GOLGA4: variants seen among roughly 807,000 people sequenced by gnomAD.
The protein encoded by GOLGA4 is golgin A4, also known as golgin subfamily A member 4.
Under a neutral mutation model 265.9 loss-of-function variants are expected in GOLGA4, and 169 were observed. That is an observed-to-expected ratio of 0.64 (90% CI 0.56 to 0.72). The LOEUF (loss-of-function observed/expected upper bound fraction) is 0.72, where lower values mean the gene tolerates loss of function less well. Among genes scored for constraint, GOLGA4 ranks in the 30% least tolerant of loss-of-function variants. GOLGA4 has a pLI of 0.00. For missense variants in GOLGA4, 2,482 were observed against 2,483.4 expected (o/e 1.00, Z 0.01); for synonymous variants, 923 against 855.8 (o/e 1.08, Z -1.37).
At chr3:37,322,948 C>T (rs1169423827) in intron 13 of GOLGA4, among the ~76,000 whole-genome samples, 1 of 151,870 alleles carries the variant, frequency 6.6e-6, no homozygotes, top group African/African-American at 2.4e-5. Context: ...GAAAAAACCC[C>T]AATCTTCCTA....
intron 2 of GOLGA4, among the ~76,000 whole-genome samples, chr3:37,272,794 A>G (rs1469023174): frequency 1.3e-5 from 2 of 152,224 alleles, no homozygotes; most frequent in African/African-American, 4.8e-5. Flanking sequence ...TGTTTAAAAC[A>G]TGGAAGTTAT....
intron 2 of GOLGA4, among the ~76,000 whole-genome samples, chr3:37,259,302 G>T (rs1440865046): frequency 6.6e-6 from 1 of 152,160 alleles, no homozygotes; most frequent in Admixed American, 6.6e-5. Context: ...GAGTCCCTCT[G>T]TAAGGAACTG....
In GOLGA4 at chr3:37,320,164, T is replaced by C. The variant is rs566267076; in HGVS notation, c.1545+970T>C. ...AAAACAACCAGAAAGCAGATTGAGA[T>C]TTTTGTTGAAAGATTTTTTAAAATA... is the stretch of plus-strand genomic sequence containing the variant. On this transcript the variant is annotated intron_variant, in intron 12 of 23. Transcript: ENST00000361924. The C allele has an allele frequency of 1.1e-3, 148 of 140,604 alleles. 1 individual carries two copies. Among genetic ancestry groups the C allele is most frequent in the Middle Eastern group, 3.7e-3 (1 of 268 alleles). The allele number at this position is 140,604 out of a possible 1,614,324, so 8.7% of individuals were successfully genotyped here.
intron 6 of GOLGA4, among the ~76,000 whole-genome samples, 183 bp downstream of exon 6, chr3:37,295,260 C>T (rs1387658041): frequency 6.6e-6 from 1 of 152,098 alleles, no homozygotes; most frequent in Non-Finnish European, 1.5e-5. Context: ...CTCTTTCACC[C>T]TGGCTATAGT....
rs2096962662 is a variant in GOLGA4 at position 37,324,009 on chromosome 3, C to T, written c.2123C>T (p.Ser708Phe). ...CGTCACAAACTAGAAGAGGAACTTT[C>T]TGTTCTGAAAGATCAAACAGATAAA... The part of the protein sequence containing the change: ...KARHKLEEEL[S>F]VLKDQTDKMK... Residue 708 changes from serine (S) to phenylalanine (F), a missense_variant, in exon 14 of 24, where the codon TCT (serine) becomes TTT (phenylalanine). Ser to Phe is a radical substitution (Grantham distance 155, BLOSUM62 -2). This residue lies in a region of GOLGA4 where 1,536 missense variants were observed against 1,483.7 expected (regional missense o/e 1.04). Transcript: ENST00000361924. The T allele has an allele frequency of 3.1e-6, 5 of 1,613,688 alleles. No homozygotes were observed. In the South Asian group the frequency reaches 4.4e-5, roughly 14 times the overall value.
chr3:37,269,832 A>G (rs2096793276), intron 2 of GOLGA4, among the ~76,000 whole-genome samples: 1 of 150,218 alleles, frequency 6.7e-6, no homozygotes, highest in Admixed American at 6.6e-5. Flanking sequence ...AAGTTTTTAA[A>G]TGTTGTTCTC....
In GOLGA4 at chr3:37,326,428, T is replaced by G; in HGVS notation, c.4542T>G (p.Ser1514=). Reference sequence around the variant, plus strand: ...AGAGCAAGATGGAGAAAAAGGAGTCTAATTTAGAAACAGAGTTAAAGTCTC... The same window carrying G: ...AGAGCAAGATGGAGAAAAAGGAGTCGAATTTAGAAACAGAGTTAAAGTCTC... ...DDKSKMEKKE[S]NLETELKSQT... Residue 1514 remains serine, a synonymous_variant, in exon 14 of 24, where the codon TCT becomes TCG. Coordinates refer to ENST00000361924, the MANE Select transcript of GOLGA4 (RefSeq NM_002078.5). 1 of 1,612,432 alleles carries G rather than the reference T, an allele frequency of 6.2e-7. No homozygotes were observed. Among genetic ancestry groups the G allele is most frequent in the Non-Finnish European group, 8.5e-7 (1 of 1,178,846 alleles).
At chr3:37,285,174 A>T (rs13060088) in intron 3 of GOLGA4, among the ~76,000 whole-genome samples, 25,252 of 84,352 alleles carry the variant, frequency 0.3, 2,923 homozygotes, top group Non-Finnish European at 0.4. Context: ...TTTTTTTTTT[A>T]AATTATAATA....
At chr3:37,331,852 A>G (rs1427917392) in intron 16 of GOLGA4, among the ~76,000 whole-genome samples, 1 of 152,024 alleles carries the variant, frequency 6.6e-6, no homozygotes, top group African/African-American at 2.4e-5. Flanking sequence ...TAATGTACCT[A>G]TTTTGTCATT....
Position 37,328,987 on chromosome 3 carries a change from A to G in GOLGA4, c.6086A>G (p.Glu2029Gly). Reference sequence around the variant, plus strand: ...GATAAGGCCCAGGAGGTGGAGGCTGAACTTTTAGAAAGCCATCAAGAAGAG... The same window carrying G: ...GATAAGGCCCAGGAGGTGGAGGCTGGACTTTTAGAAAGCCATCAAGAAGAG... ...TINKAQEVEA[E>G]LLESHQEETN... The change falls in exon 16 of 24, where the codon GAA (glutamate) becomes GGA (glycine). Residue 2029 changes from glutamate (E) to glycine (G), a missense_variant. Glu to Gly is a moderately conservative substitution (Grantham distance 98, BLOSUM62 -2). Around this residue, in one of 3 missense-constraint regions of GOLGA4, gnomAD observed 942 missense variants for 983.1 expected, o/e 0.96. Coordinates refer to ENST00000361924, the MANE Select transcript of GOLGA4 (RefSeq NM_002078.5). The G allele has an allele frequency of 6.2e-7, 1 of 1,607,696 alleles. No individual in the cohort carries two copies. Among genetic ancestry groups the G allele is most frequent in the Non-Finnish European group, 8.5e-7 (1 of 1,177,600 alleles).
intron 2 of GOLGA4, among the ~76,000 whole-genome samples, chr3:37,252,330 T>TC (rs2096736255): frequency 6.6e-6 from 1 of 151,918 alleles, no homozygotes. Flanking sequence ...TTTTTTTTTT[T>TC]TTTTAATAGT....
intron 3 of GOLGA4, among the ~76,000 whole-genome samples, chr3:37,284,874 A>T (rs2096844232): frequency 6.6e-6 from 1 of 152,088 alleles, no homozygotes; most frequent in Non-Finnish European, 1.5e-5. Flanking sequence ...CATTTTGCCC[A>T]GGCTGGTCTC....
In GOLGA4 at chr3:37,340,211, C is replaced by T; in HGVS notation, c.6472+12C>T. ...GACACCTTACAAAGGTAAGGATGAT[C>T]TCGTGTCATGTTATTAACTGTTATC... On this transcript the variant is annotated intron_variant, in intron 20 of 23. Transcript: ENST00000361924. 9.1e-7 allele frequency: 1 copy of T among 1,098,330 alleles called. No individual in the cohort carries two copies. Among genetic ancestry groups the T allele is most frequent in the Non-Finnish European group, 1.3e-6 (1 of 749,792 alleles). The allele number at this position is 1,098,330 out of a possible 1,614,324, so 68.0% of individuals were successfully genotyped here. A position where few individuals can be genotyped will look rare whatever the true frequency, so the allele number is the denominator to read the frequency against.
Position 37,326,684 on chromosome 3 carries a change from G to A in GOLGA4, c.4798G>A (p.Glu1600Lys). 6.2e-7 allele frequency: 1 copy of A among 1,612,100 alleles called. No individual in the cohort carries two copies. ...AAACCAAGTTTATTCCATGAAAGCT[G>A]AACTTGAAACTAAGAAGAAAGAATT... ...LENQVYSMKA[E>K]LETKKKELEH... The change falls in exon 14 of 24, where the codon GAA becomes AAA. Residue 1600 changes from glutamate (E) to lysine (K), a missense_variant. By Grantham distance (56) the Glu-to-Lys change is moderately conservative. Transcript: ENST00000361924.
intron 2 of GOLGA4, among the ~76,000 whole-genome samples, chr3:37,265,659 A>G (rs1280361788): frequency 1.3e-5 from 2 of 152,204 alleles, no homozygotes; most frequent in South Asian, 2.1e-4. Context: ...CATCAAGGCC[A>G]TAGACATATC....
chr3:37,347,420 A>G, intron 21 of GOLGA4, 124 bp downstream of exon 21: 3 of 527,298 alleles, frequency 5.7e-6, no homozygotes, highest in Non-Finnish European at 1.0e-5. Context: ...ATAGTAGGTA[A>G]TAGATAATTA....
In GOLGA4 at chr3:37,264,760, G is replaced by C. The variant is rs541805118; in HGVS notation, c.162+13276G>C. Among the ~76,000 whole-genome samples, 5 of 152,210 alleles carry C rather than the reference G, an allele frequency of 3.3e-5. No homozygotes were observed. In the East Asian group the frequency reaches 9.7e-4, roughly 29 times the overall value. On this transcript the variant is annotated intron_variant, in intron 2 of 23. Transcript: ENST00000361924. ...ATCTCACTCTTTTGCTCAGGCTGGA[G>C]TGCTGTGGTGTGATCACAGCTCACT...
At chr3:37,275,978 A>G in intron 2 of GOLGA4, 1 of 1,613,510 alleles carries the variant, frequency 6.2e-7, no homozygotes, top group South Asian at 1.1e-5. Context: ...ACCTGCAATT[A>G]CATCGCAGAA....
chr3:37,313,911 A>G (rs1224339193), intron 10 of GOLGA4, among the ~76,000 whole-genome samples: 1 of 151,908 alleles, frequency 6.6e-6, no homozygotes, highest in Non-Finnish European at 1.5e-5. Flanking sequence ...CAAATCTAAG[A>G]CCATCATAAG....
Sources: allele counts gnomAD v4.1 joint callset (sites outside exome capture counted in the v4.1 genomes callset), GRCh38; gene constraint gnomAD v4.1.1; regional missense constraint gnomAD v4.1.1; transcripts MANE v1.5; gene names NCBI Gene and HGNC (gene_info 2026-07-23, HGNC 2026-07-21).